Variants in C1QL1 observed in about 807,000 individuals in gnomAD.
C1QL1 encodes the protein C1q-related factor.
Under a neutral mutation model 14.2 loss-of-function variants are expected in C1QL1, and 15 were observed. The ratio of observed to expected loss-of-function variants is 1.06; its 90% CI spans 0.71 to 1.62. C1QL1 has a LOEUF of 1.62. Among genes scored for constraint, C1QL1 ranks in the 40% most tolerant of loss-of-function variants. The pLI is 0.00. For synonymous variants in C1QL1, 172 were observed against 172.4 expected (o/e 1.00, Z 0.02); for missense variants, 346 against 380.3 (o/e 0.91, Z 0.75).
At position 44,959,966 on chromosome 17, in the gene C1QL1, C is replaced by T. The variant is rs1326905018; in HGVS notation, c.*222G>A. 6 of 558,742 alleles carry T rather than the reference C, an allele frequency of 1.1e-5. No individual in the cohort carries two copies. Among genetic ancestry groups the T allele is most frequent in the Admixed American group, 3.3e-5 (1 of 29,894 alleles). The allele number at this position is 558,742 out of a possible 1,614,324, so 34.6% of individuals were successfully genotyped here. On this transcript the variant is annotated 3_prime_UTR_variant, in exon 2 of 2. Transcript: ENST00000253407. ...CGCGGGCTGGGCGGGGGCGGTCAAC[C>T]CCGGTTCCCTGGCACGGGGACAGGG...
chr17:44,962,674 T>C (rs1280081875), intron 1 of C1QL1, among the ~76,000 whole-genome samples: 1 of 152,238 alleles, frequency 6.6e-6, no homozygotes, highest in Non-Finnish European at 1.5e-5. Flanking sequence ...GTAATATTTA[T>C]TATTACACAT....
Position 44,960,144 on chromosome 17 carries a change from A to T in C1QL1, c.*44T>A. ...TCATCGTCTGCCCCGCCCGGAGGGG[A>T]CCCCGGCGGGTGAGGGACGTGGGTG... On this transcript the variant is annotated 3_prime_UTR_variant, in exon 2 of 2. Transcript: ENST00000253407. 1 of 1,580,152 alleles carries T rather than the reference A, an allele frequency of 6.3e-7. No individual in the cohort carries two copies. The highest frequency in any genetic ancestry group is 8.7e-7 in the Non-Finnish European group (1 of 1,151,550).
Position 44,960,090 on chromosome 17 carries a change from G to C in C1QL1, c.*98C>G. The C allele has an allele frequency of 1.8e-6, 2 of 1,113,252 alleles. No individual in the cohort carries two copies. Among genetic ancestry groups the C allele is most frequent in the South Asian group, 2.8e-5 (2 of 72,306 alleles). The allele number at this position is 1,113,252 out of a possible 1,614,324, so 69.0% of individuals were successfully genotyped here. The stretch of plus-strand genomic sequence containing the variant: ...GGGGGCGTCATAGCCGGGGAGGGCC[G>C]GGCAGCGAGCGGGTGGGCGAGGGGC... On this transcript the variant is annotated 3_prime_UTR_variant, in exon 2 of 2. Transcript: ENST00000253407.
chr17:44,962,035 G>A (rs946499848), intron 1 of C1QL1, among the ~76,000 whole-genome samples: 3 of 152,012 alleles, frequency 2.0e-5, no homozygotes, highest in Admixed American at 6.5e-5. Flanking sequence ...GGTATCCTGG[G>A]TAGAGACATG....
intron 1 of C1QL1, among the ~76,000 whole-genome samples, chr17:44,963,672 C>T (rs150137437): frequency 1.5e-3 from 221 of 152,226 alleles, no homozygotes; most frequent in East Asian, 9.1e-3. Context: ...GTGATCCGCC[C>T]GCCTCAGCCT....
At chr17:44,963,575 A>T (rs1298413215) in intron 1 of C1QL1, among the ~76,000 whole-genome samples, 1 of 151,910 alleles carries the variant, frequency 6.6e-6, no homozygotes, top group Non-Finnish European at 1.5e-5. Context: ...GGCACCCACC[A>T]CCACACCCGG....
chr17:44,963,344 G>T (rs1398327558), intron 1 of C1QL1, among the ~76,000 whole-genome samples: 1 of 150,398 alleles, frequency 6.6e-6, no homozygotes, highest in East Asian at 1.9e-4. Context: ...ACTGTGCTCT[G>T]TGTTGTGAAA....
At chr17:44,964,791 G>A (rs189377012) in intron 1 of C1QL1, among the ~76,000 whole-genome samples, 8 of 152,210 alleles carry the variant, frequency 5.3e-5, no homozygotes, top group East Asian at 3.9e-4. Flanking sequence ...GGGGCTACGG[G>A]CCCCACTATT....
chr17:44,967,636 T>C lies in C1QL1; in HGVS notation c.413A>G (p.Asn138Ser). The change falls in exon 1 of 2, where the codon AAC (asparagine) becomes AGC (serine). Residue 138 changes from asparagine (N) to serine (S), a missense_variant. Coordinates refer to ENST00000253407, the MANE Select transcript of C1QL1 (RefSeq NM_006688.5). This position sits in a 1 kb window ranked among gnomAD's most constrained non-coding sequence, Gnocchi z 7.0. ...PRVAFYAGLK[N>S]PHEGYEVLKF... The stretch of plus-strand genomic sequence containing the variant: ...GAGTACCTCGTAACCCTCGTGGGGG[T>C]TCTTGAGGCCGGCGTAGAAGGCCAC... 1 of 1,613,700 alleles carries C rather than the reference T, an allele frequency of 6.2e-7. No individual in the cohort carries two copies. Among genetic ancestry groups the C allele is most frequent in the South Asian group, 1.1e-5 (1 of 91,072 alleles).
At chr17:44,962,576 C>A (rs1379419121) in intron 1 of C1QL1, among the ~76,000 whole-genome samples, 2 of 152,070 alleles carry the variant, frequency 1.3e-5, no homozygotes, top group African/African-American at 4.8e-5. Context: ...GAAAAAAAAA[C>A]ATTAGATCTT....
intron 1 of C1QL1, among the ~76,000 whole-genome samples, chr17:44,963,631 A>G (rs3024302): frequency 0.048 from 7,357 of 152,180 alleles, 263 homozygotes; most frequent in Non-Finnish European, 0.079. Context: ...TCACCATGTT[A>G]GACAGGCTGG....
chr17:44,959,921 C>T lies in C1QL1; in HGVS notation c.*267G>A. ...CAGGCGGAGGTGGGCAGTAAACAGT[C>T]CTATTGTACAAATATATAGCGCGGG... On this transcript the variant is annotated 3_prime_UTR_variant, in exon 2 of 2. Transcript: ENST00000253407. 4.4e-6 allele frequency: 2 copies of T among 454,756 alleles called. No individual in the cohort carries two copies. Among genetic ancestry groups the T allele is most frequent in the South Asian group, 5.2e-5 (2 of 38,122 alleles). 28.2% of individuals were successfully genotyped at this position (454,756 alleles called of 1,614,324 possible). A position where few individuals can be genotyped will look rare whatever the true frequency, so the allele number is the denominator to read the frequency against.
At chr17:44,961,907 AAAAAG>A (rs1339842265) in intron 1 of C1QL1, among the ~76,000 whole-genome samples, 11 of 148,350 alleles carry the variant, frequency 7.4e-5, no homozygotes, top group African/African-American at 2.7e-4. Flanking sequence ...AAAAAAAAAA[AAAAAG>A]AGAGAGAGAG....
chr17:44,967,805 C>G lies in C1QL1; in HGVS notation c.244G>C (p.Gly82Arg). Reference protein sequence around the residue: ...PGRTGKPGPPGPPGDPGPPGP... With the variant: ...PGRTGKPGPPRPPGDPGPPGP... Reference sequence around the variant, plus strand: ...GGAGGACCTGGGTCCCCGGGAGGCCCCGGAGGGCCGGGCTTGCCGGTGCGG... The same window carrying G: ...GGAGGACCTGGGTCCCCGGGAGGCCGCGGAGGGCCGGGCTTGCCGGTGCGG... The change falls in exon 1 of 2, where the codon GGG becomes CGG. Residue 82 changes from glycine to arginine, a missense_variant. Coordinates refer to ENST00000253407, the MANE Select transcript of C1QL1 (RefSeq NM_006688.5). This position sits in a 1 kb window ranked among gnomAD's most constrained non-coding sequence, Gnocchi z 7.0. The G allele has an allele frequency of 7.0e-7, 1 of 1,433,278 alleles. No homozygotes were observed. The highest frequency in any genetic ancestry group is 9.0e-7 in the Non-Finnish European group (1 of 1,108,752). The allele number at this position is 1,433,278 out of a possible 1,614,324, so 88.8% of individuals were successfully genotyped here.
chr17:44,961,910 AAGAG>A (rs1279714342), intron 1 of C1QL1, among the ~76,000 whole-genome samples: 6,362 of 128,856 alleles, frequency 0.049, 146 homozygotes, highest in Non-Finnish European at 0.068. Flanking sequence ...AAAAAAAAAA[AAGAG>A]AGAGAGAGAG....
Position 44,967,894 on chromosome 17 carries a change from A to G in C1QL1, c.155T>C (p.Leu52Pro). The G allele has an allele frequency of 8.0e-7, 1 of 1,247,296 alleles. No homozygotes were observed. Among genetic ancestry groups the G allele is most frequent in the Non-Finnish European group, 1.0e-6 (1 of 1,001,686 alleles). 77.3% of individuals were successfully genotyped at this position (1,247,296 alleles called of 1,614,324 possible). A position where few individuals can be genotyped will look rare whatever the true frequency, so the allele number is the denominator to read the frequency against. The part of the protein sequence containing the change: ...AGARTDGGDA[L>P]SEQSGAPPPS... ...CGGGGGCGCGCCGCTCTGCTCGCTCAGGGCGTCGCCGCCGTCGGTCCGCGC... is the reference window on the plus strand; with the variant it reads ...CGGGGGCGCGCCGCTCTGCTCGCTCGGGGCGTCGCCGCCGTCGGTCCGCGC... Residue 52 changes from leucine to proline, a missense_variant, in exon 1 of 2, where the codon CTG becomes CCG. Coordinates refer to ENST00000253407, the MANE Select transcript of C1QL1 (RefSeq NM_006688.5). This position sits in a 1 kb window ranked among gnomAD's most constrained non-coding sequence, Gnocchi z 7.0.
intron 1 of C1QL1, among the ~76,000 whole-genome samples, chr17:44,964,522 G>T (rs2052646207): frequency 6.6e-6 from 1 of 152,164 alleles, no homozygotes; most frequent in Non-Finnish European, 1.5e-5. Context: ...CTCCCTCCCA[G>T]CCAACACATT....
intron 1 of C1QL1, among the ~76,000 whole-genome samples, chr17:44,963,204 C>T (rs3024284): frequency 0.067 from 10,221 of 152,296 alleles, 404 homozygotes; most frequent in African/African-American, 0.081. Flanking sequence ...CCAGGAAACA[C>T]GTTCCTGCCC....
chr17:44,967,981 T>TCAG lies in C1QL1; in HGVS notation c.67_68insCTG (p.Tyr22_Glu23insAla). 7.3e-7 allele frequency: 1 copy of TCAG among 1,373,518 alleles called. No homozygotes were observed. Among genetic ancestry groups the TCAG allele is most frequent in the South Asian group, 1.7e-5 (1 of 57,344 alleles). 85.1% of individuals were successfully genotyped at this position (1,373,518 alleles called of 1,614,324 possible). Reference sequence around the variant, plus strand: ...CACCATGCGGCAGGTGCCCAGCATCTCATAGTGGCCTTCCGGGCCGCCCGA... The same window carrying TCAG: ...CACCATGCGGCAGGTGCCCAGCATCTCAGCATAGTGGCCTTCCGGGCCGCCCGA... On this transcript the variant is annotated inframe_insertion, in exon 1 of 2. Transcript: ENST00000253407. This position sits in a 1 kb window ranked among gnomAD's most constrained non-coding sequence, Gnocchi z 7.0.
Sources: gnomAD v4.1 joint callset for allele counts (sites outside exome capture counted in the v4.1 genomes callset) on GRCh38, gnomAD v4.1.1 for gene constraint, Gnocchi (gnomAD v3.1) non-coding constraint, MANE v1.5 for transcripts, NCBI Gene and HGNC (gene_info 2026-07-23, HGNC 2026-07-21) for gene names.